Variants in DCDC1 observed in about 807,000 individuals in gnomAD.
DCDC1 encodes doublecortin domain-containing protein 1.
Under a neutral mutation model 178.3 loss-of-function variants are expected in DCDC1, and 200 were observed. The observed-to-expected ratio is 1.12, with a 90% confidence interval of 1.00 to 1.26. DCDC1 has a LOEUF of 1.26. Among genes scored for constraint, DCDC1 ranks in the 50% most tolerant of loss-of-function variants. DCDC1 has a pLI of 0.00. For synonymous variants in DCDC1, 690 were observed against 604.8 expected (o/e 1.14, Z -2.07); for missense variants, 1,983 against 1,749.2 (o/e 1.13, Z -2.38).
At chr11:31,245,791 A>T (rs1943514015) in intron 8 of DCDC1, among the ~76,000 whole-genome samples, 1 of 151,924 alleles carries the variant, frequency 6.6e-6, no homozygotes, top group Non-Finnish European at 1.5e-5. Context: ...CTTTTAAATA[A>T]AAAAGGTAAT....
chr11:31,129,954 C>T (rs1293587828), intron 10 of DCDC1, among the ~76,000 whole-genome samples: 1 of 152,138 alleles, frequency 6.6e-6, no homozygotes, highest in African/African-American at 2.4e-5. Context: ...TTCTCACTGT[C>T]CCCTTGCACA....
chr11:31,275,939 T>G (rs1049945493), intron 7 of DCDC1, among the ~76,000 whole-genome samples: 1 of 152,234 alleles, frequency 6.6e-6, no homozygotes, highest in African/African-American at 2.4e-5. Flanking sequence ...AGATGGTCCT[T>G]TTGTGCCTCT....
chr11:31,206,619 T>G (rs766113011), intron 9 of DCDC1, among the ~76,000 whole-genome samples: 1 of 152,132 alleles, frequency 6.6e-6, no homozygotes, highest in Non-Finnish European at 1.5e-5. Flanking sequence ...TCCACTATGT[T>G]GGCCAGGCTG....
intron 20 of DCDC1, among the ~76,000 whole-genome samples, chr11:30,998,623 C>A (rs1590708660): frequency 6.6e-6 from 1 of 152,118 alleles, no homozygotes; most frequent in Non-Finnish European, 1.5e-5. Context: ...ATGCTACAGA[C>A]AAAACGCATT....
chr11:31,070,823 A>G (rs1956513440), intron 18 of DCDC1, among the ~76,000 whole-genome samples: 2 of 152,086 alleles, frequency 1.3e-5, no homozygotes, highest in African/African-American at 4.8e-5. Flanking sequence ...TAGAAAGGCT[A>G]TGTTTCACCT....
intron 7 of DCDC1, among the ~76,000 whole-genome samples, chr11:31,270,731 C>G (rs1001949491): frequency 6.6e-6 from 1 of 152,204 alleles, no homozygotes. Flanking sequence ...CCCCAACCCT[C>G]TTATTGAACA....
At chr11:31,186,248 T>C (rs1969469755) in intron 9 of DCDC1, among the ~76,000 whole-genome samples, 2 of 152,140 alleles carry the variant, frequency 1.3e-5, no homozygotes, top group Admixed American at 1.3e-4. Context: ...TTAGCCATAC[T>C]CTCCTTGTTC....
rs1218033902 is a variant in DCDC1 at position 31,307,751 on chromosome 11, G to C, written c.322C>G (p.His108Asp). The change falls in exon 4 of 39, where the codon CAT becomes GAT. Residue 108 changes from histidine (H) to aspartate (D), a missense_variant. Physicochemically the swap from His to Asp is moderately conservative, Grantham distance 81. Transcript: ENST00000684477. ...CTATCTAGGTCTGATATTTCATCAT[G>C]GCTGTGATCTGATGCTGTTTGATGT... ...STHQTASDHSHDEISDLDSYK... is the reference protein window; with the variant it reads ...STHQTASDHSDDEISDLDSYK... 1.2e-6 allele frequency: 2 copies of C among 1,614,046 alleles called. No individual in the cohort carries two copies. Among genetic ancestry groups the C allele is most frequent in the Non-Finnish European group, 8.5e-7 (1 of 1,179,968 alleles).
At chr11:31,182,132 T>C (rs1177610657) in intron 9 of DCDC1, among the ~76,000 whole-genome samples, 8 of 152,066 alleles carry the variant, frequency 5.3e-5, no homozygotes, top group Admixed American at 1.3e-4. Flanking sequence ...ATACTTGAAA[T>C]TGACAAGGAG....
chr11:31,003,882 G>A (rs1436228993), intron 20 of DCDC1, among the ~76,000 whole-genome samples: 1 of 152,148 alleles, frequency 6.6e-6, no homozygotes, highest in Non-Finnish European at 1.5e-5. Context: ...AAGGCAAGAG[G>A]AATTTTCAAG....
At chr11:31,339,022 C>G (rs141636610) in intron 1 of DCDC1, among the ~76,000 whole-genome samples, 1 of 152,214 alleles carries the variant, frequency 6.6e-6, no homozygotes, top group East Asian at 1.9e-4. Context: ...CTATTTATTT[C>G]CAGTCTCTAG....
intron 10 of DCDC1, among the ~76,000 whole-genome samples, chr11:31,128,936 C>T (rs1962035260): frequency 6.6e-6 from 1 of 152,072 alleles, no homozygotes; most frequent in Admixed American, 6.6e-5. Flanking sequence ...TCAGAAATTC[C>T]AAACTATTTG....
intron 9 of DCDC1, among the ~76,000 whole-genome samples, chr11:31,157,374 T>A (rs1217924224): frequency 2.0e-4 from 21 of 107,132 alleles, no homozygotes; most frequent in African/African-American, 5.2e-4. Context: ...AAAAAAAAAA[T>A]ATATATATAT....
At chr11:31,085,186 C>A (rs1240139357) in intron 17 of DCDC1, among the ~76,000 whole-genome samples, 1 of 147,420 alleles carries the variant, frequency 6.8e-6, no homozygotes, top group African/African-American at 2.5e-5. Flanking sequence ...TTAAAAAAAA[C>A]TGCTTTATTG....
chr11:31,005,532 A>C (rs1242452374), intron 20 of DCDC1, among the ~76,000 whole-genome samples: 1 of 152,152 alleles, frequency 6.6e-6, no homozygotes, highest in Admixed American at 6.5e-5. Context: ...ACCTACTTCA[A>C]CAAAACTACA....
chr11:31,253,635 T>A (rs1944219349), intron 8 of DCDC1, among the ~76,000 whole-genome samples: 1 of 152,180 alleles, frequency 6.6e-6, no homozygotes, highest in Non-Finnish European at 1.5e-5. Context: ...ATTTTAAAAC[T>A]TTGCAGGCTG....
At chr11:30,882,450 T>G (rs1451992169) in intron 36 of DCDC1, 1 of 151,760 alleles carries the variant, frequency 6.6e-6, no homozygotes, top group Non-Finnish European at 1.5e-5. Context: ...TTTTATATAT[T>G]TTTTTATCAT....
intron 1 of DCDC1, among the ~76,000 whole-genome samples, chr11:31,358,725 C>T (rs1951534895): frequency 1.3e-5 from 2 of 152,060 alleles, no homozygotes; most frequent in South Asian, 2.1e-4. Context: ...CCACAAAGAA[C>T]TCAAACAAAT....
intron 17 of DCDC1, among the ~76,000 whole-genome samples, chr11:31,084,196 C>A (rs910979258): frequency 6.6e-6 from 1 of 152,040 alleles, no homozygotes; most frequent in Admixed American, 6.6e-5. Flanking sequence ...TTATAATATT[C>A]TTTTGTGAGT....
Sources: allele counts gnomAD v4.1 joint callset (sites outside exome capture counted in the v4.1 genomes callset), GRCh38; gene constraint gnomAD v4.1.1; transcripts MANE v1.5; gene names NCBI Gene and HGNC (gene_info 2026-07-23, HGNC 2026-07-21).